Variants in AGTPBP1 observed in about 807,000 individuals in gnomAD.
AGTPBP1 encodes the protein cytosolic carboxypeptidase 1.
In AGTPBP1, 70 loss-of-function variants were observed where a neutral mutation model predicts 143.9. The observed-to-expected ratio is 0.49, with a 90% CI of 0.40 to 0.59. AGTPBP1 has a LOEUF of 0.59. Ranked by LOEUF, AGTPBP1 falls within the 20% of genes least tolerant of loss-of-function variation. The probability of loss-of-function intolerance (pLI) is 0.00; values close to 1 mark genes in which losing one functional copy is unlikely to be tolerated. For synonymous variants in AGTPBP1, 463 were observed against 500.2 expected (o/e 0.93, Z 0.99); for missense variants, 1,229 against 1,464.5 (o/e 0.84, Z 2.62).
intron 23 of AGTPBP1, among the ~76,000 whole-genome samples, chr9:85,581,454 C>G (rs932555791): frequency 6.6e-6 from 1 of 152,120 alleles, no homozygotes; most frequent in Non-Finnish European, 1.5e-5. Context: ...AGGCTATAAG[C>G]GCAATACTAA....
rs1406232096 is a variant in AGTPBP1, at chr9:85,633,886, A to AG, written c.1303-513dup. 2.4e-4 allele frequency among the ~76,000 whole-genome samples: 36 copies of AG among 147,280 alleles called. No homozygotes were observed. In the South Asian group the frequency reaches 8.1e-3, roughly 33 times the overall value. On this transcript the variant is annotated intron_variant, in intron 13 of 25. Transcript: ENST00000357081. ...GAACATTAGAAGGGTAAAGCTCTAC[A>AG]GAAAAAAAAAAAAAGGAGGGCAAGG...
chr9:85,589,947 C>T lies in AGTPBP1; in HGVS notation c.2569-266G>A, dbSNP rs140866560. Among the ~76,000 whole-genome samples the T allele has an allele frequency of 2.2e-3, 337 of 152,188 alleles. 1 individual carries two copies. Among genetic ancestry groups the T allele is most frequent in the African/African-American group, 7.7e-3 (319 of 41,554 alleles). On this transcript the variant is annotated intron_variant, in intron 19 of 25. Transcript: ENST00000357081. ...TACACTCATTATTTGTGCAGCAAAA[C>T]ATATGAAGAATCACCCTAAGTAGAA...
intron 24 of AGTPBP1, among the ~76,000 whole-genome samples, chr9:85,576,811 T>A (rs1827930577): frequency 6.6e-6 from 1 of 152,170 alleles, no homozygotes; most frequent in South Asian, 2.1e-4. Context: ...ATTAACTTTT[T>A]TAGAAGTATA....
At chr9:85,670,331 G>T (rs1834406476) in intron 7 of AGTPBP1, among the ~76,000 whole-genome samples, 1 of 152,076 alleles carries the variant, frequency 6.6e-6, no homozygotes, top group South Asian at 2.1e-4. Flanking sequence ...CACGCAAAAG[G>T]AACATATCAG....
chr9:85,666,318 G>A (rs1234859980), intron 8 of AGTPBP1, among the ~76,000 whole-genome samples: 2 of 152,102 alleles, frequency 1.3e-5, no homozygotes, highest in East Asian at 3.8e-4. Flanking sequence ...TTAAAAAGGA[G>A]AGGAAGCATA....
chr9:85,753,947 G>C, the AGTPBP1 span, among the ~76,000 whole-genome samples: 8,630 of 152,190 alleles, frequency 0.057, 349 homozygotes, highest in African/African-American at 0.11. Context: ...AGGTTTGTTA[G>C]ATGGGTATAT....
intron 2 of AGTPBP1, among the ~76,000 whole-genome samples, chr9:85,706,072 A>G (rs1836976855): frequency 6.6e-6 from 1 of 152,054 alleles, no homozygotes; most frequent in South Asian, 2.1e-4. Flanking sequence ...TATAGTATAA[A>G]CCCTATAAAA....
At chr9:85,760,640 A>G in the AGTPBP1 span, among the ~76,000 whole-genome samples, 3 of 152,210 alleles carry the variant, frequency 2.0e-5, no homozygotes, top group Non-Finnish European at 4.4e-5. Flanking sequence ...AGAGCTATTT[A>G]TGACAAACCC....
chr9:85,769,218 G>C, the AGTPBP1 span, among the ~76,000 whole-genome samples: 1 of 152,054 alleles, frequency 6.6e-6, no homozygotes, highest in African/African-American at 2.4e-5. Context: ...GATAGGTACT[G>C]TGCTAGGCAA....
At chr9:85,727,083 A>C (rs1391326297) in intron 1 of AGTPBP1, among the ~76,000 whole-genome samples, 1 of 152,024 alleles carries the variant, frequency 6.6e-6, no homozygotes, top group Non-Finnish European at 1.5e-5. Context: ...TAATCCTAGC[A>C]CTCCAGGATG....
At chr9:85,707,565 C>T (rs902717463) in intron 2 of AGTPBP1, among the ~76,000 whole-genome samples, 1 of 151,896 alleles carries the variant, frequency 6.6e-6, no homozygotes. Flanking sequence ...AAATGCTAGA[C>T]AGTAAAAAGA....
At chr9:85,789,388 C>A in the AGTPBP1 span, among the ~76,000 whole-genome samples, 1 of 152,106 alleles carries the variant, frequency 6.6e-6, no homozygotes, top group Non-Finnish European at 1.5e-5. Context: ...CATTTTGTCA[C>A]TTTATTGCCC....
the AGTPBP1 span, among the ~76,000 whole-genome samples, chr9:85,801,194 C>T: frequency 6.6e-6 from 1 of 152,148 alleles, no homozygotes; most frequent in South Asian, 2.1e-4. Flanking sequence ...CACCTGTAGT[C>T]CCAGCTACTC....
In AGTPBP1 at chr9:85,669,532, C is replaced by T; in HGVS notation, c.615G>A (p.Met205Ile). 2 of 1,612,134 alleles carry T rather than the reference C, an allele frequency of 1.2e-6. No individual in the cohort carries two copies. The highest frequency in any genetic ancestry group is 1.7e-6 in the Non-Finnish European group (2 of 1,178,708). The change falls in exon 8 of 26, where the codon ATG becomes ATA. Residue 205 changes from methionine to isoleucine, a missense_variant. Around this residue, in one of 2 missense-constraint regions of AGTPBP1, gnomAD observed 743 missense variants for 812.2 expected, o/e 0.91. Coordinates refer to ENST00000357081, the MANE Select transcript of AGTPBP1 (RefSeq NM_001330701.2). ...TACTAAATGGTCCAATGATTTTAAA[C>T]ATCAGTTCCACAACTCCATTTTTCC... Reference protein sequence around the residue: ...SLGKNGVVELMFKIIGPFSKK... With the variant: ...SLGKNGVVELIFKIIGPFSKK...
At chr9:85,757,971 C>T in the AGTPBP1 span, among the ~76,000 whole-genome samples, 8 of 152,182 alleles carry the variant, frequency 5.3e-5, no homozygotes, top group African/African-American at 1.7e-4. Context: ...CTAATCTCTA[C>T]TTGGATCTAA....
At chr9:85,755,683 A>C in the AGTPBP1 span, among the ~76,000 whole-genome samples, 1 of 152,168 alleles carries the variant, frequency 6.6e-6, no homozygotes, top group Admixed American at 6.5e-5. Context: ...CAATCAATCA[A>C]GGAACTCAAG....
At chr9:85,661,032 A>T in intron 8 of AGTPBP1, 59 bp from the exon 9 acceptor site, 1 of 1,365,596 alleles carries the variant, frequency 7.3e-7, no homozygotes, top group Non-Finnish European at 1.0e-6. Flanking sequence ...AATCTACAAT[A>T]GTAAATTCAT....
intron 19 of AGTPBP1, among the ~76,000 whole-genome samples, chr9:85,592,228 A>C (rs1018457656): frequency 6.6e-6 from 1 of 152,084 alleles, no homozygotes; most frequent in African/African-American, 2.4e-5. Flanking sequence ...TTTCAACAAA[A>C]GATGGGAAGT....
rs535334320 is a variant in AGTPBP1 at position 85,621,512 on chromosome 9, C to T, written c.2016-227G>A. 7.4e-5 allele frequency among the ~76,000 whole-genome samples: 11 copies of T among 147,712 alleles called. 1 individual carries two copies. The South Asian group carries it at 2.4e-3, about 32-fold the overall frequency. Reference sequence around the variant, plus strand: ...AAATATCCACGTAGAATACAGCCAGCCACAAGTCCAATCATTTAAAAAAAA... The same window carrying T: ...AAATATCCACGTAGAATACAGCCAGTCACAAGTCCAATCATTTAAAAAAAA... On this transcript the variant is annotated intron_variant, in intron 14 of 25. Coordinates refer to ENST00000357081, the MANE Select transcript of AGTPBP1 (RefSeq NM_001330701.2).
Sources: gnomAD v4.1 joint callset for allele counts (sites outside exome capture counted in the v4.1 genomes callset) on GRCh38, gnomAD v4.1.1 for gene constraint, gnomAD v4.1.1 regional missense constraint, MANE v1.5 for transcripts, NCBI Gene and HGNC (gene_info 2026-07-23, HGNC 2026-07-21) for gene names.